The following IL1RAPL2 variants were observed in gnomAD, a reference collection of about 807,000 sequenced individuals.
IL1RAPL2 encodes the protein X-linked interleukin-1 receptor accessory protein-like 2.
Under a neutral mutation model 44.1 loss-of-function variants are expected in IL1RAPL2, and 3 were observed. The observed-to-expected ratio is 0.07, with a 90% CI of 0.03 to 0.18. The LOEUF is 0.18. Ranked by LOEUF, IL1RAPL2 falls within the 10% of genes least tolerant of loss-of-function variation. The pLI is 1.00. For synonymous variants in IL1RAPL2, 181 were observed against 178.8 expected, an observed-to-expected ratio of 1.01 and a Z score of -0.10; for missense variants, 391 against 496.4, an observed-to-expected ratio of 0.79 and a Z score of 2.02.
At chrX:105,255,945 T>C (rs2034310807) in intron 4 of IL1RAPL2, among the ~76,000 whole-genome samples, 1 of 112,533 alleles carries the variant, frequency 8.9e-6, no homozygotes, top group South Asian at 3.7e-4. Context: ...GTTTATGTGA[T>C]GAATCACATT....
At chrX:104,657,331 C>T (rs1040841419) in intron 1 of IL1RAPL2, among the ~76,000 whole-genome samples, 1 of 111,027 alleles carries the variant, frequency 9.0e-6, no homozygotes, top group African/African-American at 3.3e-5. Flanking sequence ...CATCTACAAC[C>T]ATCTGATCTT....
chrX:105,408,559 TC>T (rs1318675717), intron 5 of IL1RAPL2, among the ~76,000 whole-genome samples: 1 of 111,532 alleles, frequency 9.0e-6, no homozygotes, highest in Non-Finnish European at 1.9e-5. Context: ...TGGGAGGAGA[TC>T]AGACCTTTAC....
intron 2 of IL1RAPL2, among the ~76,000 whole-genome samples, chrX:104,934,780 T>G (rs1212267886): frequency 8.9e-6 from 1 of 112,429 alleles, no homozygotes; most frequent in Non-Finnish European, 1.9e-5. Flanking sequence ...TTTAAAGTCA[T>G]AGATGCTACT....
intron 2 of IL1RAPL2, among the ~76,000 whole-genome samples, chrX:104,889,192 T>G (rs1923346522): frequency 9.0e-6 from 1 of 111,002 alleles, no homozygotes; most frequent in African/African-American, 3.3e-5. Flanking sequence ...GCAAACATAC[T>G]CCCTGCATGA....
intron 2 of IL1RAPL2, among the ~76,000 whole-genome samples, chrX:105,005,903 T>A (rs747863401): frequency 2.7e-4 from 30 of 110,267 alleles, no homozygotes; most frequent in Non-Finnish European, 4.8e-4. Flanking sequence ...ATGAGCAGAG[T>A]TTTGGTAGGG....
intron 5 of IL1RAPL2, among the ~76,000 whole-genome samples, chrX:105,388,644 A>G (rs1014584228): frequency 9.0e-6 from 1 of 110,983 alleles, no homozygotes; most frequent in Admixed American, 9.6e-5. Flanking sequence ...GCTTAAAAAT[A>G]CTGGAAGGCT....
chrX:104,610,369 A>G (rs1319337756), intron 1 of IL1RAPL2, among the ~76,000 whole-genome samples: 2 of 111,473 alleles, frequency 1.8e-5, no homozygotes, highest in Admixed American at 9.6e-5. Flanking sequence ...ACATGATTGT[A>G]TATCTAGAAA....
intron 2 of IL1RAPL2, among the ~76,000 whole-genome samples, chrX:104,822,817 G>A (rs1921339468): frequency 9.0e-6 from 1 of 111,349 alleles, no homozygotes; most frequent in Non-Finnish European, 1.9e-5. Context: ...GCTTGATGGG[G>A]ATAGCACTGA....
At chrX:105,617,049 T>C (rs2037382558) in intron 6 of IL1RAPL2, among the ~76,000 whole-genome samples, 1 of 110,243 alleles carries the variant, frequency 9.1e-6, no homozygotes, top group South Asian at 3.9e-4. Flanking sequence ...CAGAACTGCT[T>C]TGAGGAACAA....
chrX:104,754,674 T>C (rs1408274034), intron 2 of IL1RAPL2, among the ~76,000 whole-genome samples: 1 of 111,897 alleles, frequency 8.9e-6, no homozygotes, highest in Admixed American at 9.5e-5. Flanking sequence ...TTTATGATTA[T>C]ATCTGGTTAT....
chrX:105,314,574 T>C (rs2034822615), intron 5 of IL1RAPL2, among the ~76,000 whole-genome samples: 1 of 111,885 alleles, frequency 8.9e-6, no homozygotes, highest in African/African-American at 3.2e-5. Context: ...CCTTCTATTA[T>C]GTTATACCAC....
intron 6 of IL1RAPL2, among the ~76,000 whole-genome samples, chrX:105,710,978 A>G (rs1191686305): frequency 9.4e-6 from 1 of 106,771 alleles, no homozygotes; most frequent in African/African-American, 3.4e-5. Flanking sequence ...GTGCATATGT[A>G]TGTGTATATA....
chrX:105,499,928 A>G (rs2036381287), intron 6 of IL1RAPL2, among the ~76,000 whole-genome samples: 1 of 112,337 alleles, frequency 8.9e-6, no homozygotes, highest in African/African-American at 3.2e-5. Context: ...GAAACAACCT[A>G]AACATCCATC....
chrX:105,082,056 G>T (rs959550816), intron 2 of IL1RAPL2, among the ~76,000 whole-genome samples: 1 of 111,709 alleles, frequency 9.0e-6, no homozygotes, highest in African/African-American at 3.3e-5. Context: ...AATGGTACCA[G>T]CTCCTCTTTG....
intron 1 of IL1RAPL2, among the ~76,000 whole-genome samples, chrX:104,585,307 TATATA>T (rs1478020206): frequency 6.7e-4 from 13 of 19,522 alleles, no homozygotes; most frequent in African/African-American, 4.9e-3. Flanking sequence ...TATTATATAT[TATATA>T]ATATATATTA....
intron 2 of IL1RAPL2, among the ~76,000 whole-genome samples, chrX:104,999,909 A>G (rs186750845): frequency 9.1e-6 from 1 of 109,805 alleles, no homozygotes; most frequent in African/African-American, 3.3e-5. Flanking sequence ...AGTACTTTCC[A>G]TTTAATCTTT....
intron 1 of IL1RAPL2, among the ~76,000 whole-genome samples, chrX:104,633,173 G>A (rs1423638610): frequency 2.7e-5 from 3 of 111,675 alleles, no homozygotes; most frequent in African/African-American, 9.8e-5. Flanking sequence ...AACCAGCCTT[G>A]CATCCCAGGG....
At chrX:104,884,033 C>A (rs1419199706) in intron 2 of IL1RAPL2, among the ~76,000 whole-genome samples, 1 of 111,954 alleles carries the variant, frequency 8.9e-6, no homozygotes, top group Non-Finnish European at 1.9e-5. Flanking sequence ...AGGACTCTAA[C>A]AGATTTTCGA....
At chrX:105,407,464 G>A (rs771368232) in intron 5 of IL1RAPL2, among the ~76,000 whole-genome samples, 33 of 111,715 alleles carry the variant, frequency 3.0e-4, no homozygotes, top group Non-Finnish European at 5.5e-4. Flanking sequence ...ATACCTAGAT[G>A]CAGTATGGAT....
Sources: allele counts gnomAD v4.1 joint callset (sites outside exome capture counted in the v4.1 genomes callset), GRCh38; gene constraint gnomAD v4.1.1; transcripts MANE v1.5; gene names NCBI Gene and HGNC (gene_info 2026-07-23, HGNC 2026-07-21).